The following ZSCAN18 variants were observed in gnomAD, a reference collection of about 807,000 sequenced individuals.
The protein encoded by ZSCAN18 is zinc finger and SCAN domain containing 18.
ZSCAN18 carries 16 observed loss-of-function variants against 31.1 expected under a neutral mutation model. The observed-to-expected ratio is 0.51, with a 90% CI of 0.35 to 0.78. The LOEUF (loss-of-function observed/expected upper bound fraction) is 0.78, where lower values mean the gene tolerates loss of function less well. Among genes scored for constraint, ZSCAN18 ranks in the 30% least tolerant of loss-of-function variants. ZSCAN18 has a pLI of 0.01. For synonymous variants in ZSCAN18, 375 were observed against 320.7 expected (o/e 1.17, Z -1.81); for missense variants, 731 against 697.4 (o/e 1.05, Z -0.54).
intron 3 of ZSCAN18, 41 bp downstream of exon 3, chr19:58,088,647 C>T (rs1270842345): frequency 1.3e-6 from 2 of 1,594,234 alleles, no homozygotes; most frequent in Non-Finnish European, 1.7e-6. Context: ...AACACCCCAC[C>T]TAAGGCCCAG....
intron 6 of ZSCAN18, chr19:58,085,689 T>G (rs1361298924): frequency 4.5e-6 from 2 of 442,398 alleles, no homozygotes; most frequent in East Asian, 8.1e-5. Context: ...GGCCACTAGC[T>G]TGGCCACAAG....
At chr19:58,092,837 G>T in intron 1 of ZSCAN18, 1 of 460,252 alleles carries the variant, frequency 2.2e-6, no homozygotes, top group Non-Finnish European at 2.8e-6. Flanking sequence ...GCAGTAGCAT[G>T]ATCATAGCTT....
chr19:58,107,329 G>A (rs759023187), intron 1 of ZSCAN18, among the ~76,000 whole-genome samples: 1 of 151,814 alleles, frequency 6.6e-6, no homozygotes, highest in Non-Finnish European at 1.5e-5. Flanking sequence ...GGCCAAGGTG[G>A]GCAGATCACT....
intron 1 of ZSCAN18, among the ~76,000 whole-genome samples, chr19:58,110,749 T>C (rs891973439): frequency 2.0e-5 from 3 of 152,224 alleles, no homozygotes; most frequent in Non-Finnish European, 2.9e-5. Context: ...TTATTATAAA[T>C]TGAAGCATAA....
In ZSCAN18 at chr19:58,087,712, A is replaced by G. The variant is rs2074312790; in HGVS notation, c.554-308T>C. 1.2e-5 allele frequency: 3 copies of G among 256,246 alleles called. No homozygotes were observed. In the East Asian group the frequency reaches 3.1e-4, roughly 27 times the overall value. The allele number at this position is 256,246 out of a possible 1,614,324, so 15.9% of individuals were successfully genotyped here. ...ACCTAGGCTGGAGTGCAGTGGCATG[A>G]TCTTGGCTCACTGCAACCTCCACCT... On this transcript the variant is annotated intron_variant, in intron 3 of 6. Transcript: ENST00000601144.
intron 6 of ZSCAN18, 126 bp from the exon 7 acceptor site, chr19:58,085,505 G>T (rs1463106982): frequency 3.4e-5 from 29 of 847,664 alleles, no homozygotes; most frequent in Non-Finnish European, 4.4e-5. Context: ...CGGGGCTCAC[G>T]GCTGTTTGGA....
Position 58,084,594 on chromosome 19 carries a change from G to T in ZSCAN18, c.*91C>A. ...AGGACGTCCACAAACACCACAGGAA[G>T]CCGCCACCCAGGGGCGTGGAAAGGC... On this transcript the variant is annotated 3_prime_UTR_variant, in exon 7 of 7. Coordinates refer to ENST00000601144, the MANE Select transcript of ZSCAN18 (RefSeq NM_001145543.2). The surrounding 1 kb of genome is among the most constrained non-coding windows in gnomAD (Gnocchi z 4.5). 3 of 1,267,654 alleles carry T rather than the reference G, an allele frequency of 2.4e-6. No homozygotes were observed. The highest frequency in any genetic ancestry group is 3.1e-6 in the Non-Finnish European group (3 of 958,856). 78.5% of individuals were successfully genotyped at this position (1,267,654 alleles called of 1,614,324 possible).
chr19:58,118,154 G>C lies in ZSCAN18; in HGVS notation c.130+113C>G, dbSNP rs971068641. On this transcript the variant is annotated intron_variant, in intron 1 of 1. Coordinates refer to the ZSCAN18 transcript ENST00000595721. ...CCGCCCCGCCGGGAACCACAAGCCA[G>C]CGCCCCTAACAAGCCCCTGCCCAGA... is the stretch of plus-strand genomic sequence containing the variant. The C allele has an allele frequency of 6.4e-6, 3 of 466,050 alleles. No homozygotes were observed. The East Asian group carries it at 1.1e-4, about 17-fold the overall frequency. 28.9% of individuals were successfully genotyped at this position (466,050 alleles called of 1,614,324 possible). A position where few individuals can be genotyped will look rare whatever the true frequency, so the allele number is the denominator to read the frequency against.
chr19:58,111,406 G>A (rs1369613223), intron 1 of ZSCAN18, among the ~76,000 whole-genome samples: 13 of 152,120 alleles, frequency 8.5e-5, no homozygotes, highest in Admixed American at 8.5e-4. Flanking sequence ...GAATGCGGTG[G>A]TGTGATCACA....
intron 1 of ZSCAN18, among the ~76,000 whole-genome samples, chr19:58,091,537 T>C (rs1382655706): frequency 4.7e-5 from 1 of 21,134 alleles, no homozygotes; most frequent in African/African-American, 1.8e-4. Context: ...GCAAGGACAA[T>C]GGGGGGTGGG....
intron 1 of ZSCAN18, chr19:58,108,191 G>A: frequency 1.0e-6 from 1 of 985,932 alleles, no homozygotes. Flanking sequence ...TCTTTCCAAT[G>A]TGAATTCTCC....
At chr19:58,117,444 C>G (rs2074739360) in intron 1 of ZSCAN18, among the ~76,000 whole-genome samples, 1 of 151,972 alleles carries the variant, frequency 6.6e-6, no homozygotes, top group Non-Finnish European at 1.5e-5. Context: ...TGGGAATGTT[C>G]ACAGTGGGTA....
chr19:58,090,391 A>C lies in ZSCAN18; in HGVS notation c.-119-5T>G. 6.5e-7 allele frequency: 1 copy of C among 1,545,794 alleles called. No individual in the cohort carries two copies. Among genetic ancestry groups the C allele is most frequent in the Non-Finnish European group, 8.8e-7 (1 of 1,142,696 alleles). ...GTGGTGCCAGAACCCACAGACCTGC[A>C]GAGGACACGGACAAGGCAATGGCCT... On this transcript the variant is annotated splice_region_variant and splice_polypyrimidine_tract_variant and intron_variant, in intron 1 of 6. Coordinates refer to ENST00000601144, the MANE Select transcript of ZSCAN18 (RefSeq NM_001145543.2). This position sits in a 1 kb window ranked among gnomAD's most constrained non-coding sequence, Gnocchi z 4.7.
intron 1 of ZSCAN18, among the ~76,000 whole-genome samples, chr19:58,117,175 T>G (rs1378877796): frequency 2.0e-5 from 3 of 152,116 alleles, no homozygotes; most frequent in African/African-American, 7.2e-5. Flanking sequence ...ATGTGGGGAT[T>G]GGGGAAAAGA....
At position 58,085,155 on chromosome 19, in the gene ZSCAN18, T is replaced by A; in HGVS notation, c.1063A>T (p.Ile355Phe). The change falls in exon 7 of 7, where the codon ATC (isoleucine) becomes TTC (phenylalanine). Residue 355 changes from isoleucine (I) to phenylalanine (F), a missense_variant. By Grantham distance (21) the Ile-to-Phe change is conservative. Around this residue, in one of 4 missense-constraint regions of ZSCAN18, gnomAD observed 597 missense variants for 499.5 expected, o/e 1.20. Transcript: ENST00000601144. ...SATGSQRQSV[I>F]QQPAPDRGTA... ...CCCCTGTCCGGGGCAGGCTGCTGGA[T>A]GACGGACTGCCTCTGCGATCCGGTG... 1 of 1,610,846 alleles carries A rather than the reference T, an allele frequency of 6.2e-7. No individual in the cohort carries two copies. Among genetic ancestry groups the A allele is most frequent in the South Asian group, 1.1e-5 (1 of 90,908 alleles).
intron 1 of ZSCAN18, among the ~76,000 whole-genome samples, chr19:58,094,375 C>T (rs1045688436): frequency 3.3e-5 from 5 of 150,926 alleles, no homozygotes; most frequent in Non-Finnish European, 5.9e-5. Flanking sequence ...CGCGCCACTG[C>T]ACTCCAGCCT....
At chr19:58,099,462 A>G (rs2074574082), upstream of ZSCAN18, among the ~76,000 whole-genome samples, 1 of 152,226 alleles carries the variant, frequency 6.6e-6, no homozygotes, top group South Asian at 2.1e-4. Context: ...GTAGTATTCT[A>G]TGGTATATAG....
chr19:58,085,122 T>G lies in ZSCAN18; in HGVS notation c.1096A>C (p.Lys366Gln), dbSNP rs377691382. Residue 366 changes from lysine (K) to glutamine (Q), a missense_variant, in exon 7 of 7, where the codon AAA (lysine) becomes CAA (glutamine). Lys to Gln is a moderately conservative substitution (Grantham distance 53). Coordinates refer to ENST00000601144, the MANE Select transcript of ZSCAN18 (RefSeq NM_001145543.2). The part of the protein sequence containing the change: ...QQPAPDRGTA[K>Q]LGTKRPHPED... ...GGGTGCGGCCTCTTGGTTCCCAGTTTCGCCGTGCCCCTGTCCGGGGCAGGC... is the reference window on the plus strand; with the variant it reads ...GGGTGCGGCCTCTTGGTTCCCAGTTGCGCCGTGCCCCTGTCCGGGGCAGGC... 8.7e-6 allele frequency: 14 copies of G among 1,607,530 alleles called. No individual in the cohort carries two copies. Among genetic ancestry groups the G allele is most frequent in the Non-Finnish European group, 1.2e-5 (14 of 1,177,222 alleles).
At chr19:58,118,206 CA>C in intron 1 of ZSCAN18, 1 of 829,108 alleles carries the variant, frequency 1.2e-6, no homozygotes, top group Non-Finnish European at 1.8e-6. Context: ...CCCTCACAGA[CA>C]GAAAGAGCGA....
Sources: allele counts gnomAD v4.1 joint callset (sites outside exome capture counted in the v4.1 genomes callset), GRCh38; gene constraint gnomAD v4.1.1; regional missense constraint gnomAD v4.1.1; non-coding constraint Gnocchi (gnomAD v3.1); transcripts MANE v1.5; gene names NCBI Gene and HGNC (gene_info 2026-07-23, HGNC 2026-07-21).